SHC4: variants seen among roughly 807,000 people sequenced by gnomAD.
SHC4 encodes SHC-transforming protein 4.
In SHC4, 41 loss-of-function variants were observed where a neutral mutation model predicts 69.4. The observed-to-expected ratio is 0.59, with a 90% CI of 0.46 to 0.77. The LOEUF (loss-of-function observed/expected upper bound fraction) is 0.77. Among genes scored for constraint, SHC4 ranks in the 30% least tolerant of loss-of-function variants. The pLI, the probability that SHC4 is intolerant of heterozygous loss-of-function variation, is 0.00. For missense variants in SHC4, 777 were observed against 783.8 expected (o/e 0.99, Z 0.10); for synonymous variants, 318 against 299.3 (o/e 1.06, Z -0.64).
intron 1 of SHC4, among the ~76,000 whole-genome samples, chr15:48,955,015 C>G (rs948435446): frequency 2.0e-5 from 3 of 152,134 alleles, no homozygotes; most frequent in African/African-American, 7.2e-5. Flanking sequence ...TGTACTAATC[C>G]TAGAGTTCTA....
At chr15:48,886,540 A>G (rs188333432) in intron 3 of SHC4, among the ~76,000 whole-genome samples, 53 of 152,324 alleles carry the variant, frequency 3.5e-4, no homozygotes, top group African/African-American at 1.0e-3. Flanking sequence ...TTCAAGTCCC[A>G]GGTTTGATCC....
intron 2 of SHC4, among the ~76,000 whole-genome samples, chr15:48,905,796 A>T (rs1454037255): frequency 6.6e-6 from 1 of 152,226 alleles, no homozygotes; most frequent in East Asian, 1.9e-4. Context: ...CAGATATATA[A>T]CTATTCTTGC....
At chr15:48,924,362 G>A (rs141444362) in intron 2 of SHC4, among the ~76,000 whole-genome samples, 145 of 152,262 alleles carry the variant, frequency 9.5e-4, no homozygotes, top group African/African-American at 3.4e-3. Context: ...CAGGGATTCT[G>A]ATTTCTTCCC....
chr15:48,837,526 A>G (rs952040098), intron 10 of SHC4, among the ~76,000 whole-genome samples: 4 of 152,164 alleles, frequency 2.6e-5, no homozygotes, highest in African/African-American at 9.7e-5. Flanking sequence ...GACTTTGACA[A>G]TAATAATTAT....
At chr15:48,935,320 C>G (rs930879054) in intron 1 of SHC4, among the ~76,000 whole-genome samples, 2 of 152,138 alleles carry the variant, frequency 1.3e-5, no homozygotes. Flanking sequence ...TTGTCACACC[C>G]CTAGGTTGCA....
intron 1 of SHC4, among the ~76,000 whole-genome samples, chr15:48,930,331 C>T (rs1483414201): frequency 1.3e-5 from 2 of 152,220 alleles, no homozygotes; most frequent in Non-Finnish European, 2.9e-5. Flanking sequence ...ACTACTTCAT[C>T]TATAAGAACC....
intron 1 of SHC4, among the ~76,000 whole-genome samples, chr15:48,941,357 C>T (rs375514751): frequency 2.6e-5 from 4 of 152,086 alleles, no homozygotes; most frequent in East Asian, 1.9e-4. Flanking sequence ...GAGTAGTCAA[C>T]GTAGAAGCCA....
intron 4 of SHC4, among the ~76,000 whole-genome samples, chr15:48,880,455 A>G (rs1899918885): frequency 6.6e-6 from 1 of 152,192 alleles, no homozygotes; most frequent in Non-Finnish European, 1.5e-5. Context: ...CTAGTGCACA[A>G]TAAACTGGCT....
At chr15:48,942,197 A>G (rs1314626934) in intron 1 of SHC4, among the ~76,000 whole-genome samples, 3 of 152,106 alleles carry the variant, frequency 2.0e-5, no homozygotes, top group East Asian at 3.9e-4. Flanking sequence ...CAAAAACCCT[A>G]GATTCATAAA....
At chr15:48,885,914 C>G (rs148545174) in intron 3 of SHC4, among the ~76,000 whole-genome samples, 279 of 152,302 alleles carry the variant, frequency 1.8e-3, no homozygotes, top group African/African-American at 6.4e-3. Context: ...TATTTAACAG[C>G]AAGCTGCTCA....
At position 48,900,486 on chromosome 15, in the gene SHC4, T is replaced by C. The variant is rs1313765715; in HGVS notation, c.657-9675A>G. Among the ~76,000 whole-genome samples, 3 of 147,902 alleles carry C rather than the reference T, an allele frequency of 2.0e-5. No individual in the cohort carries two copies. In the South Asian group the frequency reaches 6.4e-4, roughly 31 times the overall value. On this transcript the variant is annotated intron_variant, in intron 2 of 11. Coordinates refer to ENST00000332408, the MANE Select transcript of SHC4 (RefSeq NM_203349.4). ...CGTGCTACTGCACTCCTGCCTGGGCTACAGAGTGAGATTCCAACTCAAAAA... is the reference window on the plus strand; with the variant it reads ...CGTGCTACTGCACTCCTGCCTGGGCCACAGAGTGAGATTCCAACTCAAAAA...
At chr15:48,932,216 C>A (rs1325873717) in intron 1 of SHC4, among the ~76,000 whole-genome samples, 4 of 152,112 alleles carry the variant, frequency 2.6e-5, no homozygotes, top group Non-Finnish European at 5.9e-5. Context: ...ACTCCCAAGA[C>A]CCCCATCCTT....
At chr15:48,893,777 A>T (rs373009222) in intron 2 of SHC4, among the ~76,000 whole-genome samples, 1 of 152,234 alleles carries the variant, frequency 6.6e-6, no homozygotes, top group East Asian at 1.9e-4. Flanking sequence ...GTATTAATAC[A>T]ATCTGAGAGT....
chr15:48,913,074 C>A (rs1049270075), intron 2 of SHC4, among the ~76,000 whole-genome samples: 3 of 152,034 alleles, frequency 2.0e-5, no homozygotes, highest in Non-Finnish European at 4.4e-5. Context: ...TGGTTGGCCT[C>A]CTGCCAGGAG....
intron 4 of SHC4, chr15:48,878,402 G>C (rs747474162): frequency 2.5e-6 from 4 of 1,611,920 alleles, no homozygotes; most frequent in Non-Finnish European, 3.4e-6. Context: ...ACGGAGCCTT[G>C]CTAACGGGCC....
intron 9 of SHC4, among the ~76,000 whole-genome samples, chr15:48,845,468 A>G (rs976821621): frequency 2.0e-5 from 3 of 152,206 alleles, no homozygotes; most frequent in African/African-American, 7.2e-5. Flanking sequence ...CCTATAAGAT[A>G]GTTTCCATTT....
chr15:48,919,288 T>A (rs998776238), intron 2 of SHC4, among the ~76,000 whole-genome samples: 2 of 134,444 alleles, frequency 1.5e-5, no homozygotes, highest in South Asian at 2.5e-4. Context: ...CTTAAAAATT[T>A]ATTTTAATTT....
chr15:48,851,708 A>G (rs996906372), intron 8 of SHC4, among the ~76,000 whole-genome samples: 1 of 152,198 alleles, frequency 6.6e-6, no homozygotes, highest in Non-Finnish European at 1.5e-5. Context: ...AAGAACTTCG[A>G]TCATCCCTGT....
intron 8 of SHC4, among the ~76,000 whole-genome samples, chr15:48,851,829 G>C (rs1899220009): frequency 6.6e-6 from 1 of 152,214 alleles, no homozygotes. Context: ...AGGAGGGTTT[G>C]AGGGAATGAG....
Sources: allele counts gnomAD v4.1 joint callset (sites outside exome capture counted in the v4.1 genomes callset), GRCh38; gene constraint gnomAD v4.1.1; transcripts MANE v1.5; gene names NCBI Gene and HGNC (gene_info 2026-07-23, HGNC 2026-07-21).